KLRG1: variants seen among roughly 807,000 people sequenced by gnomAD.
The protein encoded by KLRG1 is killer cell lectin like receptor G1.
Under a neutral mutation model 21.8 loss-of-function variants are expected in KLRG1, and 16 were observed. The observed-to-expected ratio is 0.73, with a 90% CI of 0.50 to 1.11. The LOEUF (loss-of-function observed/expected upper bound fraction) is 1.11. KLRG1 is among the 50% of genes most tolerant of loss of function. The probability of loss-of-function intolerance (pLI) is 0.00; values close to 1 mark genes in which losing one functional copy is unlikely to be tolerated. For synonymous variants in KLRG1, 69 were observed against 75.9 expected (o/e 0.91, Z 0.47); for missense variants, 173 against 218.3 (o/e 0.79, Z 1.31).
At chr12:9,021,818 C>T in the KLRG1 span, among the ~76,000 whole-genome samples, 9 of 152,138 alleles carry the variant, frequency 5.9e-5, no homozygotes, top group African/African-American at 1.9e-4. Context: ...AGGCCTTCTT[C>T]GGAAGTAAGG....
the KLRG1 span, among the ~76,000 whole-genome samples, chr12:9,125,017 G>A: frequency 1.3e-5 from 2 of 152,244 alleles, no homozygotes; most frequent in Non-Finnish European, 2.9e-5. Flanking sequence ...AGGAAGACCA[G>A]TTGCAGAGAG....
At chr12:9,180,838 G>T in the KLRG1 span, 1 of 756,966 alleles carries the variant, frequency 1.3e-6, no homozygotes, top group South Asian at 2.3e-5. Flanking sequence ...CACAGCAAAA[G>T]AAACTACCAT....
At chr12:9,061,332 C>T in the KLRG1 span, among the ~76,000 whole-genome samples, 1 of 151,968 alleles carries the variant, frequency 6.6e-6, no homozygotes. Flanking sequence ...CAGATGTTTG[C>T]CAGGTTGGTC....
the KLRG1 span, among the ~76,000 whole-genome samples, chr12:9,138,283 T>G: frequency 6.6e-6 from 1 of 152,046 alleles, no homozygotes; most frequent in Admixed American, 6.5e-5. Flanking sequence ...TATGTGATTT[T>G]TTTTCCCTTT....
At chr12:9,171,159 TCTTTGCTGTTTCATGGC>T in the KLRG1 span, among the ~76,000 whole-genome samples, 4 of 152,200 alleles carry the variant, frequency 2.6e-5, no homozygotes, top group African/African-American at 9.6e-5. Context: ...CAGGCTGCCA[TCTTTGCTGTTTCATGGC>T]CTTTGCTGGT....
chr12:9,104,142 A>G, the KLRG1 span: 4 of 1,262,716 alleles, frequency 3.2e-6, no homozygotes, highest in Non-Finnish European at 4.3e-6. Flanking sequence ...TTTTCTCTCC[A>G]TAGAACTAGA....
downstream of KLRG1, among the ~76,000 whole-genome samples, chr12:9,011,211 C>G (rs145078695): frequency 2.6e-5 from 4 of 152,266 alleles, no homozygotes; most frequent in East Asian, 7.7e-4. Context: ...GATTCATCCA[C>G]CTATTGTCAG....
chr12:9,152,006 G>A, the KLRG1 span, among the ~76,000 whole-genome samples: 2 of 152,020 alleles, frequency 1.3e-5, no homozygotes, highest in Non-Finnish European at 2.9e-5. Context: ...AACTATGAGT[G>A]GCCTAAGGAT....
the KLRG1 span, among the ~76,000 whole-genome samples, chr12:9,193,877 GAAA>G: frequency 1.1e-3 from 172 of 152,276 alleles, 4 homozygotes; most frequent in East Asian, 0.021. Flanking sequence ...TAATGATAGT[GAAA>G]TTATCAGGCA....
the KLRG1 span, among the ~76,000 whole-genome samples, chr12:9,062,093 T>C: frequency 1.3e-5 from 2 of 149,956 alleles, no homozygotes; most frequent in South Asian, 2.1e-4. Context: ...TTATATATTG[T>C]ATAAAAAATC....
the KLRG1 span, among the ~76,000 whole-genome samples, chr12:9,181,456 A>G: frequency 6.6e-6 from 1 of 152,196 alleles, no homozygotes. Context: ...TTCTATTTAG[A>G]CAGGATCCAA....
At chr12:9,049,095 GAC>G in the KLRG1 span, among the ~76,000 whole-genome samples, 2 of 152,316 alleles carry the variant, frequency 1.3e-5, no homozygotes, top group Middle Eastern at 6.8e-3. Context: ...TTTTAGTCTG[GAC>G]AGAGAAAGGT....
intron 1 of KLRG1, among the ~76,000 whole-genome samples, chr12:8,967,262 C>T (rs1422618465): frequency 6.6e-6 from 1 of 151,476 alleles, no homozygotes; most frequent in Non-Finnish European, 1.5e-5. Flanking sequence ...GTGCAGCACA[C>T]CAACATGGCA....
chr12:8,982,554 T>C (rs1388280415), intron 1 of KLRG1, among the ~76,000 whole-genome samples: 1 of 152,260 alleles, frequency 6.6e-6, no homozygotes, highest in African/African-American at 2.4e-5. Flanking sequence ...AATGTGTATA[T>C]TGGTTTGCAC....
At chr12:9,027,615 C>T in the KLRG1 span, 1 of 872,146 alleles carries the variant, frequency 1.1e-6, no homozygotes. Flanking sequence ...GCATTGGCCT[C>T]CACCACCACA....
the KLRG1 span, among the ~76,000 whole-genome samples, chr12:9,060,687 C>G: frequency 6.6e-6 from 1 of 152,082 alleles, no homozygotes; most frequent in Non-Finnish European, 1.5e-5. Context: ...AGCACATCCC[C>G]AAAAATAATT....
downstream of KLRG1, among the ~76,000 whole-genome samples, chr12:9,011,217 G>T (rs962496006): frequency 6.6e-6 from 1 of 152,136 alleles, no homozygotes; most frequent in Non-Finnish European, 1.5e-5. Flanking sequence ...TCCACCTATT[G>T]TCAGAATTGG....
chr12:9,163,938 T>A, the KLRG1 span: 5 of 1,247,254 alleles, frequency 4.0e-6, no homozygotes, highest in African/African-American at 3.0e-5. Flanking sequence ...AAGTAGCCAA[T>A]GTCCAAGATA....
chr12:8,961,403 T>TTTTATTTA (rs1022786875), intron 1 of KLRG1, among the ~76,000 whole-genome samples: 10 of 151,934 alleles, frequency 6.6e-5, no homozygotes, highest in African/African-American at 2.2e-4. Context: ...AGATGGCAAT[T>TTTTATTTA]TTTATTTATT....
Sources: gnomAD v4.1 joint callset for allele counts (sites outside exome capture counted in the v4.1 genomes callset) on GRCh38, gnomAD v4.1.1 for gene constraint, MANE v1.5 for transcripts, NCBI Gene and HGNC (gene_info 2026-07-23, HGNC 2026-07-21) for gene names.